Variants in TRAF2 observed in about 807,000 individuals in gnomAD.
TRAF2 encodes the protein TNF receptor-associated factor 2.
Under a neutral mutation model 55.6 loss-of-function variants are expected in TRAF2, and 6 were observed. The ratio of observed to expected loss-of-function variants is 0.11; its 90% CI spans 0.06 to 0.21. TRAF2 has a LOEUF of 0.21. TRAF2 is among the 10% of genes least tolerant of loss of function. The pLI is 1.00. For missense variants in TRAF2, 561 were observed against 684.5 expected (o/e 0.82, Z 2.01); for synonymous variants, 329 against 276.3 (o/e 1.19, Z -1.89).
In TRAF2 at chr9:136,926,305, A is replaced by G. The variant is rs2131341202; in HGVS notation, c.*404A>G. ...TGGCCTTGTGTCCCTCGGGCATGAC[A>G]GGCAGAAACGAGGGCTGCTCCAGGA... On this transcript the variant is annotated 3_prime_UTR_variant, in exon 11 of 11. Coordinates refer to ENST00000247668, the MANE Select transcript of TRAF2 (RefSeq NM_021138.4). 2 of 353,320 alleles carry G rather than the reference A, an allele frequency of 5.7e-6. No homozygotes were observed. The highest frequency in any genetic ancestry group is 2.2e-5 in the South Asian group (1 of 45,140). The allele number at this position is 353,320 out of a possible 1,614,324, so 21.9% of individuals were successfully genotyped here. A position where few individuals can be genotyped will look rare whatever the true frequency, so the allele number is the denominator to read the frequency against.
upstream of TRAF2, among the ~76,000 whole-genome samples, chr9:136,884,463 G>C (rs575676286): frequency 1.3e-5 from 2 of 152,086 alleles, no homozygotes; most frequent in African/African-American, 4.8e-5. Flanking sequence ...CGGAGGCTTA[G>C]GCAGGAGAAT....
chr9:136,919,653 T>A (rs2131328384), intron 7 of TRAF2, among the ~76,000 whole-genome samples: 2 of 151,872 alleles, frequency 1.3e-5, no homozygotes, highest in East Asian at 3.9e-4. Flanking sequence ...TTCCTTTCTG[T>A]CCCTCCCCCT....
At chr9:136,913,791 C>G (rs901391392) in intron 6 of TRAF2, among the ~76,000 whole-genome samples, 1 of 152,010 alleles carries the variant, frequency 6.6e-6, no homozygotes, top group Non-Finnish European at 1.5e-5. Context: ...CAGGCCCCAT[C>G]TCATCCTCCC....
chr9:136,903,496 C>T (rs1190118090), intron 4 of TRAF2, among the ~76,000 whole-genome samples: 3 of 151,582 alleles, frequency 2.0e-5, no homozygotes, highest in African/African-American at 2.4e-5. Flanking sequence ...ACTGTATTTG[C>T]GTCAAATGTG....
At chr9:136,925,025 CTGTG>C (rs1850495077) in intron 10 of TRAF2, among the ~76,000 whole-genome samples, 1 of 152,246 alleles carries the variant, frequency 6.6e-6, no homozygotes, top group Non-Finnish European at 1.5e-5. Flanking sequence ...GCGTGAGCCA[CTGTG>C]CCTGGCCTAT....
chr9:136,903,304 G>C (rs1849864234), intron 4 of TRAF2, among the ~76,000 whole-genome samples: 1 of 152,188 alleles, frequency 6.6e-6, no homozygotes, highest in African/African-American at 2.4e-5. Flanking sequence ...CTTGCTGAGT[G>C]CCAATAGCAG....
chr9:136,885,557 C>T (rs939735625), upstream of TRAF2, among the ~76,000 whole-genome samples: 2 of 152,154 alleles, frequency 1.3e-5, no homozygotes, highest in East Asian at 1.9e-4. Flanking sequence ...CACTTGAGGT[C>T]GGGAGTTCAA....
chr9:136,912,150 C>G (rs62582099), intron 6 of TRAF2, among the ~76,000 whole-genome samples: 1 of 125,072 alleles, frequency 8.0e-6, no homozygotes, highest in Non-Finnish European at 1.6e-5. Flanking sequence ...CTGCGTCTGG[C>G]CCTTTTTTTT....
chr9:136,900,518 G>A lies in TRAF2; in HGVS notation c.364G>A (p.Glu122Lys). The A allele has an allele frequency of 1.9e-6, 3 of 1,613,830 alleles. No homozygotes were observed. Among genetic ancestry groups the A allele is most frequent in the Non-Finnish European group, 2.5e-6 (3 of 1,179,766 alleles). ...CTGGAAGGGGACCCTGAAAGAATAC[G>A]AGGTAAAGATGCCTGCGTGTGGCAT... ...CTWKGTLKEY[E>K]SCHEGRCPLM... The change falls in exon 4 of 11, where the codon GAG becomes AAG. Residue 122 changes from glutamate to lysine, a missense_variant and splice_region_variant. Physicochemically the swap from Glu to Lys is moderately conservative, Grantham distance 56. Around this residue, in one of 2 missense-constraint regions of TRAF2, gnomAD observed 426 missense variants for 476.8 expected, o/e 0.89. Coordinates refer to ENST00000247668, the MANE Select transcript of TRAF2 (RefSeq NM_021138.4).
At chr9:136,884,854 G>A (rs1047222580), upstream of TRAF2, among the ~76,000 whole-genome samples, 21 of 152,216 alleles carry the variant, frequency 1.4e-4, no homozygotes, top group African/African-American at 4.8e-4. Flanking sequence ...GAACTGCCAC[G>A]TGAACCCTTT....
At chr9:136,908,294 C>T (rs888739597) in intron 5 of TRAF2, 63 bp downstream of exon 5, 44 of 1,467,502 alleles carry the variant, frequency 3.0e-5, no homozygotes, top group Middle Eastern at 4.7e-4. Flanking sequence ...TGGGGAGCTG[C>T]GTGCTGGCCA....
chr9:136,891,019 G>A (rs2811762), intron 1 of TRAF2, among the ~76,000 whole-genome samples: 121,496 of 152,186 alleles, frequency 0.8, 48,729 homozygotes, highest in East Asian at 0.87. Flanking sequence ...CCACAGATGC[G>A]AGATCCTCCC....
At chr9:136,918,246 TATATATATATATTTATTTAA>T (rs1403490447) in intron 7 of TRAF2, among the ~76,000 whole-genome samples, 9 of 46,414 alleles carry the variant, frequency 1.9e-4, no homozygotes, top group African/African-American at 4.7e-4. Context: ...TATATATATA[TATATATATATATTTATTTAA>T]TTAATTAATT....
At chr9:136,921,479 G>A (rs1294781807) in intron 9 of TRAF2, among the ~76,000 whole-genome samples, 1 of 152,014 alleles carries the variant, frequency 6.6e-6, no homozygotes, top group Non-Finnish European at 1.5e-5. Context: ...TGTGCCCCTC[G>A]TCACCCACAG....
chr9:136,924,168 C>G (rs1407044996), intron 10 of TRAF2, among the ~76,000 whole-genome samples, 168 bp downstream of exon 10: 1 of 152,180 alleles, frequency 6.6e-6, no homozygotes, highest in African/African-American at 2.4e-5. Flanking sequence ...GTGGAGAGCT[C>G]TGGCAGTTTG....
upstream of TRAF2, chr9:136,886,461 C>T (rs913159357): frequency 4.9e-5 from 49 of 1,005,964 alleles, no homozygotes; most frequent in Non-Finnish European, 5.8e-5. Flanking sequence ...CAGGCGCACG[C>T]GGCGGAGCGG....
chr9:136,894,062 T>A (rs940463262), intron 1 of TRAF2, among the ~76,000 whole-genome samples: 4 of 149,378 alleles, frequency 2.7e-5, no homozygotes, highest in African/African-American at 7.4e-5. Context: ...TTTTTTTTTT[T>A]TTGAAATGGA....
At chr9:136,902,658 A>G (rs1356824950) in intron 4 of TRAF2, among the ~76,000 whole-genome samples, 1 of 152,112 alleles carries the variant, frequency 6.6e-6, no homozygotes, top group Non-Finnish European at 1.5e-5. Flanking sequence ...ACTGCTCTGG[A>G]ATAACTTGGC....
intron 9 of TRAF2, 78 bp downstream of exon 9, chr9:136,921,293 A>C: frequency 1.3e-6 from 2 of 1,566,454 alleles, no homozygotes; most frequent in Non-Finnish European, 1.7e-6. Flanking sequence ...GTGACCACAT[A>C]GGATGGCTCC....
Sources: gnomAD v4.1 joint callset for allele counts (sites outside exome capture counted in the v4.1 genomes callset) on GRCh38, gnomAD v4.1.1 for gene constraint, gnomAD v4.1.1 regional missense constraint, MANE v1.5 for transcripts, NCBI Gene and HGNC (gene_info 2026-07-23, HGNC 2026-07-21) for gene names.